The following GLOD4 variants were observed in gnomAD, a reference collection of about 807,000 sequenced individuals.
GLOD4 encodes glyoxalase domain-containing protein 4.
In GLOD4, 44 loss-of-function variants were observed where a neutral mutation model predicts 39.1. The ratio of observed to expected loss-of-function variants is 1.13; its 90% CI spans 0.88 to 1.45. The LOEUF (loss-of-function observed/expected upper bound fraction) is 1.45. Ranked by LOEUF, GLOD4 falls within the 40% of genes most tolerant of loss-of-function variation. The pLI, the probability that GLOD4 is intolerant of heterozygous loss-of-function variation, is 0.00. For missense variants in GLOD4, 405 were observed against 366.4 expected, an observed-to-expected ratio of 1.11 and a Z score of -0.86; for synonymous variants, 145 against 135.0, an observed-to-expected ratio of 1.07 and a Z score of -0.52.
chr17:775,954 C>G, intron 3 of GLOD4, 35 bp from the exon 4 acceptor site: 2 of 1,586,886 alleles, frequency 1.3e-6, no homozygotes, highest in Non-Finnish European at 1.7e-6. Flanking sequence ...AGTACATGAT[C>G]ACAACAGATA....
intron 1 of GLOD4, among the ~76,000 whole-genome samples, chr17:779,319 T>TTAA (rs1491310112): frequency 2.3e-5 from 1 of 43,358 alleles, no homozygotes; most frequent in Non-Finnish European, 3.8e-5. Flanking sequence ...CATCTCAAAT[T>TTAA]AAAAAAAAAA....
intron 4 of GLOD4, among the ~76,000 whole-genome samples, chr17:772,809 C>T (rs1454369220): frequency 1.3e-5 from 2 of 152,074 alleles, no homozygotes; most frequent in African/African-American, 2.4e-5. Flanking sequence ...TCCTGGCTAA[C>T]ACGGTGAAAC....
chr17:769,971 GAA>G lies in GLOD4; in HGVS notation c.745-18_745-17del. On this transcript the variant is annotated splice_polypyrimidine_tract_variant and intron_variant, in intron 7 of 8. Coordinates refer to ENST00000301329, the MANE Select transcript of GLOD4 (RefSeq NM_016080.4). ...CATGTCCGTCCTACACCAATAAAGA[GAA>G]AAGACACCTGCCAAAGACATCCTTG... 1 of 1,590,356 alleles carries G rather than the reference GAA, an allele frequency of 6.3e-7. No homozygotes were observed.
chr17:759,507 G>A lies in GLOD4; in HGVS notation c.*666C>T, dbSNP rs184448111. 9 of 151,758 alleles carry A rather than the reference G, an allele frequency of 5.9e-5. No homozygotes were observed. The highest frequency in any genetic ancestry group is 4.2e-4 in the South Asian group (2 of 4,784). 9.4% of individuals were successfully genotyped at this position (151,758 alleles called of 1,614,324 possible). A position where few individuals can be genotyped will look rare whatever the true frequency, so the allele number is the denominator to read the frequency against. On this transcript the variant is annotated 3_prime_UTR_variant, in exon 9 of 9. Coordinates refer to ENST00000301329, the MANE Select transcript of GLOD4 (RefSeq NM_016080.4). ...AAGAAATCTCACATGATGTTCTGTC[G>A]GGATTAAAAATATACACGGAAAAAA...
chr17:771,328 G>A lies in GLOD4; in HGVS notation c.540C>T (p.Asn180=), dbSNP rs1382452574. 1.9e-6 allele frequency: 3 copies of A among 1,580,780 alleles called. No homozygotes were observed. In the South Asian group the frequency reaches 3.5e-5, roughly 19 times the overall value. ...ATTCTTCTCCAAGATTGCTCACCTG[G>A]TTATCAGCATAGCCCAGCAAAGCCC... ...KQRALLGYAD[N]QCKLELQGVK... Residue 180 remains asparagine (N), a synonymous_variant, in exon 5 of 9, where the codon AAC becomes AAT. Coordinates refer to ENST00000301329, the MANE Select transcript of GLOD4 (RefSeq NM_016080.4).
intron 3 of GLOD4, among the ~76,000 whole-genome samples, 180 bp downstream of exon 3, chr17:776,688 G>C (rs1909019937): frequency 6.6e-6 from 1 of 152,154 alleles, no homozygotes; most frequent in Admixed American, 6.6e-5. Flanking sequence ...GCTCTTGCCA[G>C]AATATTCTCT....
Position 768,669 on chromosome 17 carries a change from AGG to A in GLOD4, c.831+1198_831+1199del, listed in dbSNP as rs10568351. Among the ~76,000 whole-genome samples, 530 of 93,816 alleles carry A rather than the reference AGG, an allele frequency of 5.6e-3. 83 individuals carry two copies. The highest frequency in any genetic ancestry group is 0.02 in the East Asian group (41 of 2,036). The allele number at this position is 93,816 out of a possible 152,430, so 61.5% of individuals were successfully genotyped here. A position where few individuals can be genotyped will look rare whatever the true frequency, so the allele number is the denominator to read the frequency against. ...AGAAGAAATCTGGAGAGGACGTGAG[AGG>A]GAGAAACAGCGCGCACTCAGATTTT... On this transcript the variant is annotated intron_variant, in intron 8 of 8. Coordinates refer to ENST00000301329, the MANE Select transcript of GLOD4 (RefSeq NM_016080.4).
chr17:772,994 C>CAA (rs1351462844), intron 4 of GLOD4, among the ~76,000 whole-genome samples: 3 of 106,376 alleles, frequency 2.8e-5, no homozygotes, highest in Non-Finnish European at 5.9e-5. Context: ...GACTCTGTCT[C>CAA]AAAAAAAAAA....
chr17:770,400 C>A lies in GLOD4; in HGVS notation c.630+21G>T, dbSNP rs564071203. ...GAACTAGCTAGTCAGAAAGCTCAAA[C>A]GATCTGGTATCAAGCGTTACCTCTT... On this transcript the variant is annotated intron_variant, in intron 6 of 8. Transcript: ENST00000301329. The A allele has an allele frequency of 2.8e-5, 35 of 1,267,172 alleles. No homozygotes were observed. The Admixed American group carries it at 5.7e-4, about 21-fold the overall frequency. 78.5% of individuals were successfully genotyped at this position (1,267,172 alleles called of 1,614,324 possible).
intron 4 of GLOD4, among the ~76,000 whole-genome samples, chr17:774,756 T>C (rs1454179914): frequency 6.6e-6 from 1 of 152,102 alleles, no homozygotes; most frequent in African/African-American, 2.4e-5. Context: ...TAGGAAAGTT[T>C]TTCTTCTGCT....
intron 6 of GLOD4, 114 bp downstream of exon 6, chr17:770,307 G>A: frequency 1.3e-6 from 1 of 775,542 alleles, no homozygotes; most frequent in Non-Finnish European, 2.3e-6. Flanking sequence ...AACAACTGCT[G>A]AACTTGATAC....
In GLOD4 at chr17:770,084, G is replaced by C. The variant is rs752349761; in HGVS notation, c.704C>G (p.Pro235Arg). 6 of 1,612,352 alleles carry C rather than the reference G, an allele frequency of 3.7e-6. No individual in the cohort carries two copies. The highest frequency in any genetic ancestry group is 2.5e-6 in the Non-Finnish European group (3 of 1,178,480). Residue 235 changes from proline (P) to arginine (R), a missense_variant, in exon 7 of 9, where the codon CCA becomes CGA. Transcript: ENST00000301329. ...GACCACCTGTACTGTTGCTTTCCCT[G>C]GGGTGTCCAGGCTCACCAGGGGAGT... ...ILTPLVSLDTPGKATVQVVIL... is the reference protein window; with the variant it reads ...ILTPLVSLDTRGKATVQVVIL...
chr17:771,404 C>G lies in GLOD4; in HGVS notation c.464G>C (p.Trp155Ser). The change falls in exon 5 of 9, where the codon TGG becomes TCG. Residue 155 changes from tryptophan to serine, a missense_variant. Trp to Ser is a radical substitution (Grantham distance 177). Transcript: ENST00000301329. ...AATTTTCATTCCCAGTAGATTACAC[C>G]AGTAGTTCAAGGACTTTTGAAGATC... ...VSDLQKSLNY[W>S]CNLLGMKIYE... 6.3e-7 allele frequency: 1 copy of G among 1,579,716 alleles called. No individual in the cohort carries two copies. Among genetic ancestry groups the G allele is most frequent in the Non-Finnish European group, 8.7e-7 (1 of 1,150,602 alleles).
chr17:762,519 G>A (rs994295448), intron 8 of GLOD4, among the ~76,000 whole-genome samples: 1 of 142,524 alleles, frequency 7.0e-6, no homozygotes, highest in East Asian at 2.1e-4. Flanking sequence ...TGATCTTCAG[G>A]GATGAAGGGG....
At chr17:772,249 G>A (rs182480626) in intron 4 of GLOD4, among the ~76,000 whole-genome samples, 4 of 148,368 alleles carry the variant, frequency 2.7e-5, no homozygotes, top group African/African-American at 7.4e-5. Flanking sequence ...AATGGACGGC[G>A]CTAAGAAGAC....
At chr17:770,729 C>T (rs887511922) in intron 5 of GLOD4, 1 of 415,674 alleles carries the variant, frequency 2.4e-6, no homozygotes, top group Non-Finnish European at 4.3e-6. Context: ...GTATAATTTA[C>T]AAATTATTCT....
intron 8 of GLOD4, among the ~76,000 whole-genome samples, chr17:761,651 T>A (rs2144258490): frequency 6.6e-6 from 1 of 152,222 alleles, no homozygotes; most frequent in African/African-American, 2.4e-5. Context: ...ATTACAGGCG[T>A]ACACCACCGT....
upstream of GLOD4, among the ~76,000 whole-genome samples, chr17:784,312 T>A (rs1202876656): frequency 6.6e-6 from 1 of 152,236 alleles, no homozygotes; most frequent in Non-Finnish European, 1.5e-5. Context: ...CACTCAGAGC[T>A]CTTAGATCCT....
chr17:779,321 A>T (rs1160720738), intron 1 of GLOD4, among the ~76,000 whole-genome samples: 11 of 6,008 alleles, frequency 1.8e-3, no homozygotes, highest in East Asian at 0.056. Flanking sequence ...TCTCAAATTA[A>T]AAAAAAAAAA....
Sources: allele counts gnomAD v4.1 joint callset (sites outside exome capture counted in the v4.1 genomes callset), GRCh38; gene constraint gnomAD v4.1.1; transcripts MANE v1.5; gene names NCBI Gene and HGNC (gene_info 2026-07-23, HGNC 2026-07-21).